PCDH17: variants seen among roughly 807,000 people sequenced by gnomAD.
PCDH17 encodes protocadherin-17.
A neutral mutation model predicts 67.7 loss-of-function variants in PCDH17; 21 were observed. That is an observed-to-expected ratio of 0.31 (90% CI 0.22 to 0.45). PCDH17 has a LOEUF of 0.45. PCDH17 is among the 20% of genes least tolerant of loss of function. PCDH17 has a pLI of 1.00. For missense variants in PCDH17, 1,471 were observed against 1,564.8 expected (o/e 0.94, Z 1.01); for synonymous variants, 701 against 656.7 (o/e 1.07, Z -1.03).
At chr13:57,686,879 A>G (rs1242754116) in intron 3 of PCDH17, among the ~76,000 whole-genome samples, 7 of 151,894 alleles carry the variant, frequency 4.6e-5, no homozygotes, top group East Asian at 1.9e-4. Context: ...GATGCTTACA[A>G]TTTTTCAGCC....
chr13:57,668,265 T>C (rs1399516756), intron 3 of PCDH17, among the ~76,000 whole-genome samples: 1 of 152,046 alleles, frequency 6.6e-6, no homozygotes, highest in Admixed American at 6.6e-5. Context: ...AAACTTGATA[T>C]GTAAATACAC....
chr13:57,664,072 A>G (rs1955218593), intron 1 of PCDH17, among the ~76,000 whole-genome samples: 1 of 151,510 alleles, frequency 6.6e-6, no homozygotes, highest in Non-Finnish European at 1.5e-5. Flanking sequence ...GGCTAATTTT[A>G]TTACTATTTT....
intron 3 of PCDH17, among the ~76,000 whole-genome samples, chr13:57,722,929 C>A (rs928366311): frequency 6.6e-6 from 1 of 151,958 alleles, no homozygotes; most frequent in African/African-American, 2.4e-5. Flanking sequence ...TTCTGATACC[C>A]CCTTTTAAAA....
Position 57,633,902 on chromosome 13 carries a change from C to A in PCDH17, c.1356C>A (p.Leu452=). 6.2e-7 allele frequency: 1 copy of A among 1,613,298 alleles called. No homozygotes were observed. The highest frequency in any genetic ancestry group is 8.5e-7 in the Non-Finnish European group (1 of 1,180,032). ...CGCGGGACGGGGGCTCTCCTCCCCT[C>A]AACTCCACCAAGTCGTTCGCGATCA... ...IVARDGGSPP[L]NSTKSFAIKI... The change falls in exon 1 of 4, where the codon CTC becomes CTA. Residue 452 remains leucine, a synonymous_variant. Transcript: ENST00000377918. The surrounding 1 kb of genome is among the most constrained non-coding windows in gnomAD (Gnocchi z 6.2).
intron 3 of PCDH17, among the ~76,000 whole-genome samples, chr13:57,708,459 G>A (rs1051103981): frequency 1.2e-4 from 18 of 151,984 alleles, no homozygotes; most frequent in African/African-American, 4.3e-4. Flanking sequence ...CAAACATTCA[G>A]TATATTCTGT....
chr13:57,708,634 G>T (rs180723401), intron 3 of PCDH17, among the ~76,000 whole-genome samples: 1 of 151,928 alleles, frequency 6.6e-6, no homozygotes, highest in East Asian at 1.9e-4. Context: ...AAGAATGAAA[G>T]AAATATCCCC....
chr13:57,677,940 AG>A (rs1378048019), intron 3 of PCDH17, among the ~76,000 whole-genome samples: 1 of 151,756 alleles, frequency 6.6e-6, no homozygotes, highest in Non-Finnish European at 1.5e-5. Context: ...TGTTAGTCAA[AG>A]GATATGTAAT....
intron 1 of PCDH17, among the ~76,000 whole-genome samples, chr13:57,657,043 T>C (rs1172034706): frequency 6.6e-6 from 1 of 152,186 alleles, no homozygotes; most frequent in Non-Finnish European, 1.5e-5. Context: ...CAGTTTTCTT[T>C]GTTCTTGTCA....
intron 3 of PCDH17, among the ~76,000 whole-genome samples, chr13:57,671,096 A>G (rs1955315351): frequency 6.6e-6 from 1 of 151,894 alleles, no homozygotes; most frequent in South Asian, 2.1e-4. Context: ...CCTAGTTTTC[A>G]AATAGTTAAT....
chr13:57,650,257 T>C (rs1955019783), intron 1 of PCDH17, among the ~76,000 whole-genome samples: 1 of 148,212 alleles, frequency 6.7e-6, no homozygotes, highest in African/African-American at 2.5e-5. Flanking sequence ...TGTGTGTGTG[T>C]GTGTAATAAC....
chr13:57,684,880 TTGAG>T (rs1335578037), intron 3 of PCDH17, among the ~76,000 whole-genome samples: 7 of 151,984 alleles, frequency 4.6e-5, no homozygotes, highest in Non-Finnish European at 2.9e-5. Context: ...CCATCAATGT[TTGAG>T]TGATATGCTA....
Position 57,657,185 on chromosome 13 carries a change from A to C in PCDH17, c.2566-9283A>C, listed in dbSNP as rs572293048. 1.5e-3 allele frequency among the ~76,000 whole-genome samples: 221 copies of C among 152,298 alleles called. 2 individuals carry two copies. The highest frequency in any genetic ancestry group is 5.3e-3 in the African/African-American group (219 of 41,572). The stretch of plus-strand genomic sequence containing the variant: ...CTTAATATATACCCAGATTACTTTA[A>C]GAAAAAAATCTAAGTCATCCTCATT... On this transcript the variant is annotated intron_variant, in intron 1 of 3. Transcript: ENST00000377918.
At chr13:57,648,243 A>T (rs1010107215) in intron 1 of PCDH17, among the ~76,000 whole-genome samples, 1 of 151,896 alleles carries the variant, frequency 6.6e-6, no homozygotes, top group Non-Finnish European at 1.5e-5. Context: ...AAGTGGAGAT[A>T]CCTTTTTAGT....
intron 3 of PCDH17, among the ~76,000 whole-genome samples, chr13:57,722,678 T>C (rs1270727761): frequency 6.6e-6 from 1 of 152,198 alleles, no homozygotes; most frequent in Non-Finnish European, 1.5e-5. Context: ...TGAAATGGCA[T>C]GATTACAGCT....
intron 3 of PCDH17, among the ~76,000 whole-genome samples, chr13:57,681,847 A>G (rs1290428880): frequency 6.6e-6 from 1 of 151,688 alleles, no homozygotes; most frequent in Non-Finnish European, 1.5e-5. Context: ...TAAATGTTGT[A>G]TTTATTAAGT....
intron 3 of PCDH17, among the ~76,000 whole-genome samples, chr13:57,693,316 A>ATATATATATATATG: frequency 4.6e-5 from 1 of 21,910 alleles, no homozygotes; most frequent in Non-Finnish European, 8.3e-5. Flanking sequence ...ACTTACATTC[A>ATATATATATATATG]TATATATATA....
chr13:57,725,533 A>G lies in PCDH17; in HGVS notation c.*239A>G, dbSNP rs905276121. 17 of 432,746 alleles carry G rather than the reference A, an allele frequency of 3.9e-5. No individual in the cohort carries two copies. Among genetic ancestry groups the G allele is most frequent in the Non-Finnish European group, 6.1e-5 (15 of 244,718 alleles). The allele number at this position is 432,746 out of a possible 1,614,324, so 26.8% of individuals were successfully genotyped here. ...TTAGGACAGAATTAATGATGCTTAA[A>G]GAGAAAAGAAAAAAAGAGAGAAGAA... On this transcript the variant is annotated 3_prime_UTR_variant, in exon 4 of 4. Transcript: ENST00000377918.
At position 57,725,656 on chromosome 13, in the gene PCDH17, C is replaced by A. The variant is rs1283387427; in HGVS notation, c.*362C>A. ...GAGAACTGAAGTATTTCTGATCACTCTCAGACTGTCCTCCGTGATTTATGC... is the reference window on the plus strand; with the variant it reads ...GAGAACTGAAGTATTTCTGATCACTATCAGACTGTCCTCCGTGATTTATGC... On this transcript the variant is annotated 3_prime_UTR_variant, in exon 4 of 4. Transcript: ENST00000377918. 3 of 183,288 alleles carry A rather than the reference C, an allele frequency of 1.6e-5. No homozygotes were observed. The highest frequency in any genetic ancestry group is 3.5e-5 in the Non-Finnish European group (3 of 86,770). 11.4% of individuals were successfully genotyped at this position (183,288 alleles called of 1,614,324 possible).
At chr13:57,706,427 A>G (rs1163314195) in intron 3 of PCDH17, among the ~76,000 whole-genome samples, 1 of 152,164 alleles carries the variant, frequency 6.6e-6, no homozygotes, top group Non-Finnish European at 1.5e-5. Flanking sequence ...ATTGCTATGT[A>G]GGCATTTTAT....
Sources: gnomAD v4.1 joint callset for allele counts (sites outside exome capture counted in the v4.1 genomes callset) on GRCh38, gnomAD v4.1.1 for gene constraint, Gnocchi (gnomAD v3.1) non-coding constraint, MANE v1.5 for transcripts, NCBI Gene and HGNC (gene_info 2026-07-23, HGNC 2026-07-21) for gene names.